The following LCP1 variants were observed in gnomAD, a reference collection of about 807,000 sequenced individuals.
LCP1 encodes the protein lymphocyte cytosolic protein 1, also known as plastin-2.
Under a neutral mutation model 72.0 loss-of-function variants are expected in LCP1, and 23 were observed. The observed-to-expected ratio is 0.32, with a 90% CI of 0.23 to 0.45. LCP1 has a LOEUF of 0.45. Among genes scored for constraint, LCP1 ranks in the 20% least tolerant of loss-of-function variants. LCP1 has a pLI of 1.00. For synonymous variants in LCP1, 245 were observed against 275.4 expected, an observed-to-expected ratio of 0.89 and a Z score of 1.09; for missense variants, 571 against 748.3, an observed-to-expected ratio of 0.76 and a Z score of 2.76.
Position 46,127,553 on chromosome 13 carries a change from G to A in LCP1, c.*38C>T. On this transcript the variant is annotated 3_prime_UTR_variant, in exon 16 of 16. Coordinates refer to ENST00000323076, the MANE Select transcript of LCP1 (RefSeq NM_002298.5). ...TGGAGCATCTGTGCCGGGCAGTCAG[G>A]AGTGAGTGCACCGCCTCCCACCCAG... 1.2e-6 allele frequency: 2 copies of A among 1,612,634 alleles called. No individual in the cohort carries two copies. Among genetic ancestry groups the A allele is most frequent in the South Asian group, 2.2e-5 (2 of 90,944 alleles).
chr13:46,159,898 C>A (rs1354154107), intron 1 of LCP1, among the ~76,000 whole-genome samples: 1 of 152,142 alleles, frequency 6.6e-6, no homozygotes, highest in Non-Finnish European at 1.5e-5. Context: ...AATTTCTTCC[C>A]TCTCGGTCTA....
chr13:46,172,961 G>A (rs1438939292), intron 1 of LCP1, among the ~76,000 whole-genome samples: 1 of 152,150 alleles, frequency 6.6e-6, no homozygotes, highest in Non-Finnish European at 1.5e-5. Flanking sequence ...TCTTAGTTTG[G>A]TCGAAGCAAT....
rs2045597893 is a variant in LCP1 at position 46,126,317 on chromosome 13, A to G, written c.*1274T>C. 1 of 229,426 alleles carries G rather than the reference A, an allele frequency of 4.4e-6. No individual in the cohort carries two copies. The highest frequency in any genetic ancestry group is 2.2e-5 in the African/African-American group (1 of 45,122). 14.2% of individuals were successfully genotyped at this position (229,426 alleles called of 1,614,324 possible). A position where few individuals can be genotyped will look rare whatever the true frequency, so the allele number is the denominator to read the frequency against. On this transcript the variant is annotated 3_prime_UTR_variant, in exon 16 of 16. Coordinates refer to ENST00000323076, the MANE Select transcript of LCP1 (RefSeq NM_002298.5). ...TTTAGCCTTCAGTTGGTTTAGGGGG[A>G]AATTGCTCAACCTATGAGACCTGCT...
At chr13:46,130,732 G>C (rs2045628580) in intron 15 of LCP1, 82 bp downstream of exon 15, 13 of 1,478,032 alleles carry the variant, frequency 8.8e-6, no homozygotes, top group South Asian at 8.4e-5. Context: ...TTGTATAAAG[G>C]CATGAGCATT....
chr13:46,177,327 T>C (rs1312329636), intron 1 of LCP1, among the ~76,000 whole-genome samples: 2 of 152,210 alleles, frequency 1.3e-5, no homozygotes, highest in Non-Finnish European at 2.9e-5. Context: ...AAAATGTGAA[T>C]GCCACTTGAC....
At chr13:46,143,450 T>C (rs2045710229) in intron 11 of LCP1, 46 bp from the exon 12 acceptor site, 2 of 1,302,558 alleles carry the variant, frequency 1.5e-6, no homozygotes, top group Non-Finnish European at 2.2e-6. Context: ...CCAACATTTA[T>C]TCAGGGCCTA....
rs1343756817 is a variant in LCP1, at chr13:46,152,769, C to G, written c.739+11G>C. On this transcript the variant is annotated intron_variant, in intron 7 of 15. Coordinates refer to ENST00000323076, the MANE Select transcript of LCP1 (RefSeq NM_002298.5). ...GCTGTGTCATAAATGACCTTTGGGA[C>G]TTGCTCTTACCTTCATTTCTGCTGA... The G allele has an allele frequency of 1.2e-6, 2 of 1,611,432 alleles. No individual in the cohort carries two copies. The highest frequency in any genetic ancestry group is 1.3e-5 in the African/African-American group (1 of 74,818).
intron 1 of LCP1, among the ~76,000 whole-genome samples, chr13:46,168,832 A>C (rs997767397): frequency 6.6e-6 from 1 of 152,246 alleles, no homozygotes; most frequent in African/African-American, 2.4e-5. Flanking sequence ...AGGAAATAAC[A>C]GGAGCTGTTC....
chr13:46,160,556 T>C (rs2138265034), intron 1 of LCP1, among the ~76,000 whole-genome samples: 1 of 152,334 alleles, frequency 6.6e-6, no homozygotes, highest in African/African-American at 2.4e-5. Context: ...CCTCTCATAA[T>C]TCAGCTATGG....
intron 1 of LCP1, among the ~76,000 whole-genome samples, chr13:46,167,060 T>G (rs905651949): frequency 6.6e-6 from 1 of 152,204 alleles, no homozygotes; most frequent in Non-Finnish European, 1.5e-5. Context: ...GTCCTTTTTC[T>G]CCCTGCAGAT....
chr13:46,147,152 C>T, intron 9 of LCP1, 49 bp from the exon 10 acceptor site: 1 of 1,440,994 alleles, frequency 6.9e-7, no homozygotes, highest in Non-Finnish European at 9.3e-7. Flanking sequence ...TCTCCATGCA[C>T]AAAGCAGATT....
rs1349779712 is a variant in LCP1, at chr13:46,150,959, C to T, written c.859G>A (p.Gly287Ser). The T allele has an allele frequency of 6.8e-6, 11 of 1,613,886 alleles. No homozygotes were observed. The Middle Eastern group carries it at 1.2e-3, about 170-fold the overall frequency. Residue 287 changes from glycine to serine, a missense_variant, in exon 8 of 16, where the codon GGC (glycine) becomes AGC (serine). Physicochemically the swap from Gly to Ser is moderately conservative, Grantham distance 56 (BLOSUM62 0). Transcript: ENST00000323076. ...HLENAGCNKI[G>S]NFSTDIKDSK... ...ACCTTGATGTCAGTACTGAAGTTGC[C>T]AATTTTGTTGCAGCCTGCATTTTCC...
chr13:46,180,747 T>C (rs888959217), intron 1 of LCP1, among the ~76,000 whole-genome samples: 1 of 152,268 alleles, frequency 6.6e-6, no homozygotes, highest in African/African-American at 2.4e-5. Context: ...TAGTTCTTTT[T>C]TATTCCTTCG....
At chr13:46,149,771 G>A (rs1268190132) in intron 8 of LCP1, among the ~76,000 whole-genome samples, 3 of 152,206 alleles carry the variant, frequency 2.0e-5, no homozygotes, top group African/African-American at 7.2e-5. Flanking sequence ...TTAATGACAG[G>A]AAATTAGGTA....
At chr13:46,142,857 A>G (rs1039284513) in intron 12 of LCP1, 12 of 428,116 alleles carry the variant, frequency 2.8e-5, no homozygotes, top group African/African-American at 1.4e-4. Flanking sequence ...ATTAACAGTC[A>G]CGGCAATAAG....
At chr13:46,181,675 G>A (rs1448897835) in intron 1 of LCP1, among the ~76,000 whole-genome samples, 1 of 152,102 alleles carries the variant, frequency 6.6e-6, no homozygotes, top group South Asian at 2.1e-4. Flanking sequence ...AAACAGAACC[G>A]CAGGAACTAA....
At chr13:46,163,637 A>C (rs1340723918) in intron 1 of LCP1, among the ~76,000 whole-genome samples, 1 of 150,226 alleles carries the variant, frequency 6.7e-6, no homozygotes, top group Non-Finnish European at 1.5e-5. Context: ...ATCAATTAAA[A>C]AAAAAAAAAA....
intron 14 of LCP1, among the ~76,000 whole-genome samples, chr13:46,132,750 A>T (rs923571198): frequency 2.6e-5 from 4 of 152,136 alleles, no homozygotes; most frequent in African/African-American, 9.7e-5. Flanking sequence ...AGTAGGCTGG[A>T]GATAGAGCAG....
intron 10 of LCP1, 50 bp downstream of exon 10, chr13:46,146,858 T>C (rs1158249560): frequency 6.4e-7 from 1 of 1,572,618 alleles, no homozygotes. Flanking sequence ...TGCCATTGAA[T>C]TAGAATTGTG....
Sources: gnomAD v4.1 joint callset for allele counts (sites outside exome capture counted in the v4.1 genomes callset) on GRCh38, gnomAD v4.1.1 for gene constraint, MANE v1.5 for transcripts, NCBI Gene and HGNC (gene_info 2026-07-23, HGNC 2026-07-21) for gene names.